Variants in EPB41 observed in about 807,000 individuals in gnomAD.
EPB41 encodes erythrocyte membrane protein band 4.1, also known as protein 4.1.
EPB41 carries 65 observed loss-of-function variants against 108.0 expected under a neutral mutation model. The ratio of observed to expected loss-of-function variants is 0.60; its 90% CI spans 0.49 to 0.74. The LOEUF is 0.74. Ranked by LOEUF, EPB41 falls within the 30% of genes least tolerant of loss-of-function variation. The probability of loss-of-function intolerance (pLI) is 0.00; values close to 1 mark genes in which losing one functional copy is unlikely to be tolerated. For missense variants in EPB41, 875 were observed against 1,037.0 expected (o/e 0.84, Z 2.15); for synonymous variants, 336 against 358.9 (o/e 0.94, Z 0.72).
At chr1:28,984,725 A>G (rs1377805473) in intron 1 of EPB41, among the ~76,000 whole-genome samples, 1 of 151,080 alleles carries the variant, frequency 6.6e-6, no homozygotes, top group African/African-American at 2.4e-5. Flanking sequence ...TGGCATGATC[A>G]TGGCTCACTG....
At chr1:28,907,221 C>T (rs2091908092) in intron 1 of EPB41, among the ~76,000 whole-genome samples, 1 of 151,868 alleles carries the variant, frequency 6.6e-6, no homozygotes, top group Non-Finnish European at 1.5e-5. Context: ...CCCGCGACCA[C>T]ACCCGGCTGA....
In EPB41 at chr1:29,006,529, G is replaced by A. The variant is rs552388014; in HGVS notation, c.787-5336G>A. Among the ~76,000 whole-genome samples, 11 of 152,006 alleles carry A rather than the reference G, an allele frequency of 7.2e-5. 1 individual carries two copies. The East Asian group carries it at 7.7e-4, about 11-fold the overall frequency. ...TGGGATTACAGGTGTGAGCCACTGC[G>A]CCCGGCCAAAGAATTTTTTAAAAGT... On this transcript the variant is annotated intron_variant, in intron 4 of 20. Coordinates refer to ENST00000343067, the MANE Select transcript of EPB41 (RefSeq NM_001376013.1).
intron 16 of EPB41, among the ~76,000 whole-genome samples, chr1:29,092,561 T>C (rs1309492785): frequency 1.3e-5 from 2 of 152,240 alleles, no homozygotes; most frequent in Non-Finnish European, 2.9e-5. Context: ...TTTTCTTCTT[T>C]TAACTTTTAT....
Position 29,077,306 on chromosome 1 carries a change from C to G in EPB41, c.2184+12148C>G, listed in dbSNP as rs1022678440. On this transcript the variant is annotated intron_variant, in intron 16 of 20. Coordinates refer to ENST00000343067, the MANE Select transcript of EPB41 (RefSeq NM_001376013.1). Reference sequence around the variant, plus strand: ...TCTTATCCAGCTGGCCTTGGTGGCACAAGCCTGTACTCCCAGCTACTCGGG... The same window carrying G: ...TCTTATCCAGCTGGCCTTGGTGGCAGAAGCCTGTACTCCCAGCTACTCGGG... Among the ~76,000 whole-genome samples the G allele has an allele frequency of 4.6e-5, 7 of 152,018 alleles. No individual in the cohort carries two copies. In the East Asian group the frequency reaches 1.2e-3, roughly 25 times the overall value.
intron 16 of EPB41, chr1:29,096,510 A>G (rs1247683038): frequency 1.0e-6 from 1 of 985,758 alleles, no homozygotes; most frequent in Non-Finnish European, 1.2e-6. Context: ...AGTGAAGAAC[A>G]TGTTACACCA....
chr1:28,987,242 A>C (rs1272808685), intron 1 of EPB41, among the ~76,000 whole-genome samples, 189 bp from the exon 2 acceptor site: 1 of 152,198 alleles, frequency 6.6e-6, no homozygotes, highest in Admixed American at 6.5e-5. Flanking sequence ...CAAGGCATTA[A>C]TATTTTATTC....
chr1:29,010,305 C>T (rs1175686807), intron 4 of EPB41, among the ~76,000 whole-genome samples: 1 of 152,110 alleles, frequency 6.6e-6, no homozygotes, highest in Non-Finnish European at 1.5e-5. Context: ...CATCACTAAA[C>T]TCCAGCCTGG....
chr1:29,049,822 ATTT>A (rs1475593516), intron 11 of EPB41, among the ~76,000 whole-genome samples: 2 of 152,162 alleles, frequency 1.3e-5, no homozygotes, highest in African/African-American at 4.8e-5. Flanking sequence ...GAGATACTGG[ATTT>A]TTAAAGTTAT....
At chr1:29,045,679 C>A (rs976833888) in intron 11 of EPB41, among the ~76,000 whole-genome samples, 1 of 150,880 alleles carries the variant, frequency 6.6e-6, no homozygotes, top group Admixed American at 6.6e-5. Context: ...TAAATGGTAT[C>A]TTTTGGTTTT....
intron 10 of EPB41, among the ~76,000 whole-genome samples, chr1:29,038,446 A>G (rs777578529): frequency 5.9e-5 from 9 of 152,250 alleles, no homozygotes; most frequent in Non-Finnish European, 1.2e-4. Flanking sequence ...TTAAAATCTA[A>G]TGCTCCCTTA....
intron 1 of EPB41, among the ~76,000 whole-genome samples, chr1:28,904,611 A>G (rs1162644760): frequency 6.6e-6 from 1 of 152,116 alleles, no homozygotes; most frequent in Non-Finnish European, 1.5e-5. Flanking sequence ...AAGAAGAGAC[A>G]CCAAGGCCAG....
At chr1:28,995,650 C>A (rs1252684265) in intron 3 of EPB41, among the ~76,000 whole-genome samples, 2 of 152,156 alleles carry the variant, frequency 1.3e-5, no homozygotes, top group Non-Finnish European at 2.9e-5. Flanking sequence ...ATAATAAACC[C>A]AGCAGTGTCT....
chr1:29,104,719 G>C (rs544448773), intron 17 of EPB41, among the ~76,000 whole-genome samples: 4 of 152,116 alleles, frequency 2.6e-5, no homozygotes, highest in Admixed American at 1.3e-4. Flanking sequence ...GAGTAGCTGG[G>C]ATTACAGGTG....
At chr1:29,016,320 T>A (rs921690038) in intron 6 of EPB41, among the ~76,000 whole-genome samples, 1 of 151,616 alleles carries the variant, frequency 6.6e-6, no homozygotes, top group Non-Finnish European at 1.5e-5. Flanking sequence ...GGATTACAGA[T>A]GTGCACCACC....
chr1:29,093,041 C>T (rs146375828), intron 16 of EPB41, among the ~76,000 whole-genome samples: 138 of 152,098 alleles, frequency 9.1e-4, no homozygotes, highest in African/African-American at 3.2e-3. Flanking sequence ...AATGGTAGAA[C>T]GATTTATATT....
At chr1:29,078,853 C>G (rs78493368) in intron 16 of EPB41, among the ~76,000 whole-genome samples, 32 of 152,232 alleles carry the variant, frequency 2.1e-4, no homozygotes, top group African/African-American at 7.5e-4. Context: ...CAGTGATGAT[C>G]CTAGATATCC....
intron 4 of EPB41, among the ~76,000 whole-genome samples, chr1:29,004,039 G>C (rs2096354802): frequency 6.6e-6 from 1 of 152,228 alleles, no homozygotes; most frequent in East Asian, 1.9e-4. Flanking sequence ...TGGAATTACA[G>C]GCATGAGCCA....
intron 1 of EPB41, among the ~76,000 whole-genome samples, chr1:28,933,513 A>G (rs2093847950): frequency 6.6e-6 from 1 of 152,270 alleles, no homozygotes; most frequent in African/African-American, 2.4e-5. Context: ...CTTTCATCCT[A>G]TTCAGATTTT....
chr1:28,893,457 T>G (rs2090340613), intron 1 of EPB41: 1 of 152,224 alleles, frequency 6.6e-6, no homozygotes, highest in Admixed American at 6.5e-5. Flanking sequence ...CTCACTGCAT[T>G]GTAAGCTCCA....
Sources: gnomAD v4.1 joint callset for allele counts (sites outside exome capture counted in the v4.1 genomes callset) on GRCh38, gnomAD v4.1.1 for gene constraint, MANE v1.5 for transcripts, NCBI Gene and HGNC (gene_info 2026-07-23, HGNC 2026-07-21) for gene names.